Variants in GPHN observed in about 807,000 individuals in gnomAD.
GPHN encodes the protein gephyrin.
In GPHN, 17 loss-of-function variants were observed where a neutral mutation model predicts 95.5. The observed-to-expected ratio is 0.18, with a 90% confidence interval of 0.12 to 0.27. GPHN has a LOEUF of 0.27. Ranked by LOEUF, GPHN falls within the 10% of genes least tolerant of loss-of-function variation. GPHN has a pLI of 1.00. For synonymous variants in GPHN, 320 were observed against 322.5 expected (o/e 0.99, Z 0.08); for missense variants, 660 against 978.1 (o/e 0.67, Z 4.34).
chr14:67,343,332 T>A, the GPHN span: 1 of 1,500,736 alleles, frequency 6.7e-7, no homozygotes, highest in East Asian at 2.3e-5. Context: ...GTGGAGGGTA[T>A]GGACAAGTGA....
chr14:67,171,507 A>T (rs1178181033), intron 21 of GPHN, among the ~76,000 whole-genome samples: 1 of 151,980 alleles, frequency 6.6e-6, no homozygotes, highest in Non-Finnish European at 1.5e-5. Flanking sequence ...GCACTCTACC[A>T]CCCTTGTTCT....
chr14:66,806,545 A>T (rs151110357), intron 3 of GPHN, among the ~76,000 whole-genome samples: 147 of 152,278 alleles, frequency 9.7e-4, no homozygotes, highest in African/African-American at 3.5e-3. Context: ...ATAAAACTGA[A>T]TGCCTTTAAC....
intron 4 of GPHN, among the ~76,000 whole-genome samples, chr14:66,870,598 C>T (rs2063393957): frequency 6.6e-6 from 1 of 152,108 alleles, no homozygotes; most frequent in Non-Finnish European, 1.5e-5. Flanking sequence ...TTTTAGATGG[C>T]TTACCCAAAT....
At chr14:67,428,656 G>C in the GPHN span, among the ~76,000 whole-genome samples, 1 of 152,270 alleles carries the variant, frequency 6.6e-6, no homozygotes, top group Non-Finnish European at 1.5e-5. Context: ...GGGTGAAACT[G>C]CATTGTCAGT....
chr14:66,810,059 T>C lies in GPHN; in HGVS notation c.202-14415T>C, dbSNP rs548630069. ...TTTTGCTGCCTATAGATCAGTGTTA[T>C]ATTGTTCCTCTTACTAATTATTATA... On this transcript the variant is annotated intron_variant, in intron 3 of 22. Transcript: ENST00000478722. Among the ~76,000 whole-genome samples, 42 of 152,138 alleles carry C rather than the reference T, an allele frequency of 2.8e-4. No homozygotes were observed. In the South Asian group the frequency reaches 8.3e-3, roughly 30 times the overall value.
At chr14:67,238,004 A>T in the GPHN span, among the ~76,000 whole-genome samples, 60 of 152,254 alleles carry the variant, frequency 3.9e-4, no homozygotes, top group East Asian at 0.01. Context: ...AGGGGGAAAA[A>T]AGTAGTTAAC....
intron 3 of GPHN, among the ~76,000 whole-genome samples, chr14:66,797,999 T>G (rs768861213): frequency 1.3e-5 from 2 of 151,946 alleles, no homozygotes; most frequent in Non-Finnish European, 2.9e-5. Flanking sequence ...TTATATTCAG[T>G]CTATCCTCAG....
the GPHN span, among the ~76,000 whole-genome samples, chr14:67,461,298 TCAGA>T: frequency 1.3e-5 from 2 of 152,186 alleles, no homozygotes; most frequent in East Asian, 1.9e-4. Context: ...AAACTGAGTC[TCAGA>T]CAGGTTACAT....
chr14:66,975,965 T>A (rs898659335), intron 9 of GPHN, among the ~76,000 whole-genome samples: 1 of 152,204 alleles, frequency 6.6e-6, no homozygotes, highest in African/African-American at 2.4e-5. Context: ...CTAAAGTCCC[T>A]TGTAGGCTTA....
intron 10 of GPHN, among the ~76,000 whole-genome samples, chr14:67,045,571 C>T (rs576290630): frequency 6.7e-6 from 1 of 150,324 alleles, no homozygotes; most frequent in East Asian, 2.0e-4. Context: ...CTCTGTCTCC[C>T]CCTCTGTCTC....
chr14:67,643,909 C>G, the GPHN span, among the ~76,000 whole-genome samples: 3 of 148,724 alleles, frequency 2.0e-5, no homozygotes, highest in Non-Finnish European at 4.4e-5. Flanking sequence ...AACGGTCACA[C>G]CCAGGTTCCC....
At chr14:67,504,927 A>T in the GPHN span, among the ~76,000 whole-genome samples, 1 of 151,752 alleles carries the variant, frequency 6.6e-6, no homozygotes, top group African/African-American at 2.4e-5. Context: ...ACACAATAGA[A>T]CACTTTAGAT....
intron 2 of GPHN, among the ~76,000 whole-genome samples, chr14:66,728,086 T>C (rs1412744132): frequency 6.6e-6 from 1 of 152,118 alleles, no homozygotes; most frequent in Non-Finnish European, 1.5e-5. Flanking sequence ...AAGCTTGGGA[T>C]GTGGCTTCAG....
chr14:67,576,480 T>A, the GPHN span: 1 of 1,588,792 alleles, frequency 6.3e-7, no homozygotes, highest in Non-Finnish European at 8.6e-7. The surrounding 1 kb of genome is among the most constrained non-coding windows in gnomAD (Gnocchi z 4.0). Flanking sequence ...ATTGGAAAAC[T>A]GATGGATGGT....
chr14:66,756,450 G>A (rs1179378120), intron 2 of GPHN, among the ~76,000 whole-genome samples: 1 of 152,068 alleles, frequency 6.6e-6, no homozygotes, highest in African/African-American at 2.4e-5. Flanking sequence ...CAGATGTGGA[G>A]GGCCAACAGA....
intron 3 of GPHN, among the ~76,000 whole-genome samples, chr14:66,778,050 G>A (rs1436393087): frequency 2.0e-5 from 3 of 152,250 alleles, no homozygotes; most frequent in South Asian, 4.1e-4. Context: ...GTTTGCAGAC[G>A]ACATGATTGT....
intron 1 of GPHN, among the ~76,000 whole-genome samples, chr14:66,589,731 G>A (rs1437525782): frequency 6.6e-6 from 1 of 152,018 alleles, no homozygotes; most frequent in Admixed American, 6.6e-5. Context: ...CAATAATAGT[G>A]GGAGACTTTA....
At chr14:67,137,057 T>A (rs1179304216) in intron 17 of GPHN, among the ~76,000 whole-genome samples, 3 of 151,978 alleles carry the variant, frequency 2.0e-5, no homozygotes, top group Admixed American at 2.0e-4. Context: ...CTTGGGTGGC[T>A]AAGGCACGGG....
chr14:66,719,338 G>A (rs1459315384), intron 2 of GPHN, among the ~76,000 whole-genome samples: 2 of 152,064 alleles, frequency 1.3e-5, no homozygotes, highest in Admixed American at 6.5e-5. Context: ...CGTGTATTTC[G>A]CTTGGCTGTC....
Sources: gnomAD v4.1 joint callset for allele counts (sites outside exome capture counted in the v4.1 genomes callset) on GRCh38, gnomAD v4.1.1 for gene constraint, Gnocchi (gnomAD v3.1) non-coding constraint, MANE v1.5 for transcripts, NCBI Gene and HGNC (gene_info 2026-07-23, HGNC 2026-07-21) for gene names.